Variants in PAM observed in about 807,000 individuals in gnomAD.
PAM encodes the protein peptidylglycine alpha-amidating monooxygenase.
A neutral mutation model predicts 122.1 loss-of-function variants in PAM; 72 were observed. The observed-to-expected ratio is 0.59, with a 90% CI of 0.49 to 0.72. The LOEUF (loss-of-function observed/expected upper bound fraction) is 0.72. PAM is among the 30% of genes least tolerant of loss of function. PAM has a pLI of 0.00. For missense variants in PAM, 1,106 were observed against 1,183.7 expected (o/e 0.93, Z 0.96); for synonymous variants, 389 against 404.4 (o/e 0.96, Z 0.46).
chr5:102,870,723 T>G (rs925090426), intron 3 of PAM, among the ~76,000 whole-genome samples: 3 of 152,182 alleles, frequency 2.0e-5, no homozygotes, highest in African/African-American at 4.8e-5. Context: ...TTGGGAAGAT[T>G]AGAGAGAAGA....
intron 12 of PAM, among the ~76,000 whole-genome samples, chr5:102,958,570 T>C (rs1761525886): frequency 6.6e-6 from 1 of 152,182 alleles, no homozygotes; most frequent in African/African-American, 2.4e-5. Flanking sequence ...TGTTTGGCTT[T>C]GCACTTCACT....
intron 1 of PAM, among the ~76,000 whole-genome samples, chr5:102,837,490 T>C (rs1777414494): frequency 1.3e-5 from 2 of 152,214 alleles, no homozygotes; most frequent in African/African-American, 2.4e-5. Flanking sequence ...AACTTACACT[T>C]CTTGCTTTTA....
At chr5:102,901,330 G>T in intron 3 of PAM, 26 bp from the exon 4 acceptor site, 2 of 1,389,824 alleles carry the variant, frequency 1.4e-6, no homozygotes, top group Admixed American at 1.7e-5. Context: ...AGTTTAATTT[G>T]GATTTTTTAA....
chr5:102,833,646 A>T (rs1776080948), intron 1 of PAM, among the ~76,000 whole-genome samples: 1 of 152,188 alleles, frequency 6.6e-6, no homozygotes, highest in South Asian at 2.1e-4. Flanking sequence ...TTTTTAGCAG[A>T]TCTTGTTTGT....
chr5:102,955,558 A>G (rs1760430790), intron 12 of PAM, among the ~76,000 whole-genome samples: 1 of 152,120 alleles, frequency 6.6e-6, no homozygotes, highest in Non-Finnish European at 1.5e-5. Flanking sequence ...TCAGACCTAA[A>G]GCTATTTATA....
intron 1 of PAM, among the ~76,000 whole-genome samples, chr5:102,815,725 G>A (rs1010445980): frequency 1.3e-5 from 2 of 152,202 alleles, no homozygotes; most frequent in African/African-American, 4.8e-5. Flanking sequence ...CTCCTAACAT[G>A]TTAGCTCCAT....
intron 1 of PAM, among the ~76,000 whole-genome samples, chr5:102,835,016 A>T (rs889248959): frequency 6.6e-6 from 1 of 152,140 alleles, no homozygotes; most frequent in African/African-American, 2.4e-5. Flanking sequence ...TTTCGGTCTG[A>T]ATTCTTTTCC....
Position 103,007,656 on chromosome 5 carries a change from A to G in PAM, c.2214A>G (p.Pro738=). Residue 738 remains proline, a splice_region_variant and synonymous_variant, in exon 20 of 26, where the codon CCA becomes CCG. Transcript: ENST00000438793. ...ATGTATTTGCAATTTCATATATACCAGGTATTTCATCTTAATATGTTTGTT... is the reference window on the plus strand; with the variant it reads ...ATGTATTTGCAATTTCATATATACCGGGTATTTCATCTTAATATGTTTGTT... ...GRNVFAISYI[P]GLLFAVNGKP... is the part of the protein sequence containing the mutation. 2 of 1,557,506 alleles carry G rather than the reference A, an allele frequency of 1.3e-6. No homozygotes were observed. The highest frequency in any genetic ancestry group is 1.7e-4 in the Middle Eastern group (1 of 5,912).
At chr5:102,832,631 A>G (rs907460586) in intron 1 of PAM, among the ~76,000 whole-genome samples, 1 of 152,218 alleles carries the variant, frequency 6.6e-6, no homozygotes, top group Non-Finnish European at 1.5e-5. Context: ...GTGCTGTACT[A>G]TGAGTAATTG....
At chr5:102,926,024 T>C (rs1326206777) in intron 6 of PAM, among the ~76,000 whole-genome samples, 2 of 152,024 alleles carry the variant, frequency 1.3e-5, no homozygotes, top group South Asian at 2.1e-4. Context: ...CTATTTCCTA[T>C]ATTCAATCAC....
At chr5:102,852,535 G>A (rs1163040565) in intron 1 of PAM, among the ~76,000 whole-genome samples, 1 of 151,900 alleles carries the variant, frequency 6.6e-6, no homozygotes, top group Non-Finnish European at 1.5e-5. Flanking sequence ...TTTATCCAGA[G>A]TTTTACATAA....
At chr5:102,769,826 G>A (rs765799158) in intron 1 of PAM, among the ~76,000 whole-genome samples, 10 of 152,024 alleles carry the variant, frequency 6.6e-5, no homozygotes, top group Non-Finnish European at 1.5e-4. Flanking sequence ...GATAGCTTTG[G>A]CTATTCTGGG....
chr5:102,940,468 A>C (rs1463185952), intron 7 of PAM, among the ~76,000 whole-genome samples: 1 of 145,012 alleles, frequency 6.9e-6, no homozygotes, highest in East Asian at 2.0e-4. Context: ...TATATCTATA[A>C]TGCTATGTAT....
intron 17 of PAM, among the ~76,000 whole-genome samples, chr5:103,004,715 TTA>T (rs1562213814): frequency 2.0e-5 from 3 of 152,184 alleles, no homozygotes; most frequent in South Asian, 4.1e-4. Context: ...AGCCTTTGAG[TTA>T]TATGTCTAAT....
chr5:102,851,129 G>T (rs1470585975), intron 1 of PAM, among the ~76,000 whole-genome samples: 1 of 152,138 alleles, frequency 6.6e-6, no homozygotes, highest in Non-Finnish European at 1.5e-5. Flanking sequence ...TATTTTATGT[G>T]CATAAAAGTG....
chr5:102,754,898 G>A (rs1256413128), upstream of PAM: 6 of 152,304 alleles, frequency 3.9e-5, no homozygotes, highest in Admixed American at 6.5e-5. Context: ...TCCCTTCCCC[G>A]GGGCACTTGG....
chr5:102,836,648 T>G (rs1353734126), intron 1 of PAM, among the ~76,000 whole-genome samples: 3 of 152,004 alleles, frequency 2.0e-5, no homozygotes, highest in Non-Finnish European at 4.4e-5. Flanking sequence ...TTTTTTTAGG[T>G]GAACTACTGT....
chr5:102,819,836 C>T (rs1771158830), intron 1 of PAM, among the ~76,000 whole-genome samples: 1 of 152,072 alleles, frequency 6.6e-6, no homozygotes. Flanking sequence ...AGATGGAGCT[C>T]ATTTCTTTCC....
chr5:102,839,422 A>G (rs551836202), intron 1 of PAM, among the ~76,000 whole-genome samples: 1 of 151,924 alleles, frequency 6.6e-6, no homozygotes, highest in East Asian at 1.9e-4. Context: ...CTGTAATCCC[A>G]GCTACTCGGG....
Sources: gnomAD v4.1 joint callset for allele counts (sites outside exome capture counted in the v4.1 genomes callset) on GRCh38, gnomAD v4.1.1 for gene constraint, MANE v1.5 for transcripts, NCBI Gene and HGNC (gene_info 2026-07-23, HGNC 2026-07-21) for gene names.